Variants in SMYD4 observed in about 807,000 individuals in gnomAD.
SMYD4 encodes the protein protein-lysine N-methyltransferase SMYD4.
Under a neutral mutation model 72.8 loss-of-function variants are expected in SMYD4, and 68 were observed. That is an observed-to-expected ratio of 0.93 (90% CI 0.77 to 1.14). The LOEUF (loss-of-function observed/expected upper bound fraction) is 1.14. Among genes scored for constraint, SMYD4 ranks in the 50% most tolerant of loss-of-function variants. SMYD4 has a pLI of 0.00. For missense variants in SMYD4, 984 were observed against 1,003.7 expected (o/e 0.98, Z 0.27); for synonymous variants, 407 against 388.6 (o/e 1.05, Z -0.56).
At chr17:1,817,335 G>T (rs1378036231) in intron 2 of SMYD4, among the ~76,000 whole-genome samples, 1 of 151,596 alleles carries the variant, frequency 6.6e-6, no homozygotes, top group African/African-American at 2.4e-5. Context: ...ACCGCGCCTG[G>T]CCTAAAACTG....
In SMYD4 at chr17:1,804,720, A is replaced by C; in HGVS notation, c.280-5T>G. 6.2e-7 allele frequency: 1 copy of C among 1,612,718 alleles called. No individual in the cohort carries two copies. On this transcript the variant is annotated splice_region_variant and splice_polypyrimidine_tract_variant and intron_variant, in intron 3 of 10. Transcript: ENST00000305513. ...AGGCCTTGAATGTGACACTCCCTGC[A>C]AAACAATGAACTGGTTAAAAGTATA...
chr17:1,781,934 T>C (rs1352136743), intron 10 of SMYD4: 2 of 154,068 alleles, frequency 1.3e-5, no homozygotes, highest in Non-Finnish European at 2.9e-5. Flanking sequence ...AGCCCTTTTC[T>C]CTCTCTCTGA....
chr17:1,787,987 A>G (rs1177369359), intron 5 of SMYD4, among the ~76,000 whole-genome samples: 1 of 152,214 alleles, frequency 6.6e-6, no homozygotes, highest in Non-Finnish European at 1.5e-5. Context: ...AAAGACTTTT[A>G]GAGCCCAAGG....
intron 3 of SMYD4, among the ~76,000 whole-genome samples, chr17:1,805,337 G>GA (rs1841903595): frequency 6.6e-6 from 1 of 152,182 alleles, no homozygotes; most frequent in Non-Finnish European, 1.5e-5. Flanking sequence ...AGAATGGCTT[G>GA]AACCTGGGAG....
In SMYD4 at chr17:1,788,743, CA is replaced by C. The variant is rs59298222; in HGVS notation, c.1538-1140del. ...GACAACAAGAGTGAGACCCCGCCTCCAAAAAAAAAAAAATTTGTTCATTTCA... is the reference window on the plus strand; with the variant it reads ...GACAACAAGAGTGAGACCCCGCCTCCAAAAAAAAAAAATTTGTTCATTTCA... On this transcript the variant is annotated intron_variant, in intron 5 of 10. Transcript: ENST00000305513. Among the ~76,000 whole-genome samples the C allele has an allele frequency of 3.3e-3, 453 of 139,186 alleles. 1 individual carries two copies. The highest frequency in any genetic ancestry group is 3.6e-3 in the Middle Eastern group (1 of 276). 91.3% of individuals were successfully genotyped at this position (139,186 alleles called of 152,430 possible).
intron 9 of SMYD4, 86 bp from the exon 10 acceptor site, chr17:1,783,244 G>T (rs551592069): frequency 1.2e-5 from 19 of 1,611,812 alleles, no homozygotes; most frequent in South Asian, 4.4e-5. Context: ...TGGAACGAGA[G>T]GGGGAGCACC....
chr17:1,794,077 A>G (rs1244656920), intron 5 of SMYD4, among the ~76,000 whole-genome samples: 22 of 43,666 alleles, frequency 5.0e-4, no homozygotes, highest in African/African-American at 1.8e-3. Flanking sequence ...GTGTATATAT[A>G]TGTGTATATA....
Position 1,800,995 on chromosome 17 carries a change from CTG to C in SMYD4, c.397_398del (p.Gln133AspfsTer16). 1 of 1,612,520 alleles carries C rather than the reference CTG, an allele frequency of 6.2e-7. No homozygotes were observed. The highest frequency in any genetic ancestry group is 8.5e-7 in the Non-Finnish European group (1 of 1,178,646). On this transcript the variant is annotated frameshift_variant, in exon 5 of 11. Coordinates refer to ENST00000305513, the MANE Select transcript of SMYD4 (RefSeq NM_052928.3). LOFTEE classifies it high-confidence loss of function. ...GCAACCTTTCTGGATACCCATGTGT[CTG>C]TGCTCTGTTAATGTCTTTAAGACAC... ...ETCLKDINRAQTHGYPERLQP... is the reference protein window; with the variant it reads ...ETCLKDINRAXTHGYPERLQP...
intron 2 of SMYD4, among the ~76,000 whole-genome samples, chr17:1,817,302 T>C (rs1910657086): frequency 6.6e-6 from 1 of 151,562 alleles, no homozygotes; most frequent in Non-Finnish European, 1.5e-5. Context: ...CCTCCCAAAG[T>C]GCTGGGATTA....
At chr17:1,807,429 C>G (rs2151241493) in intron 3 of SMYD4, among the ~76,000 whole-genome samples, 1 of 149,020 alleles carries the variant, frequency 6.7e-6, no homozygotes, top group East Asian at 2.0e-4. Flanking sequence ...CCCCCCCCGG[C>G]CCCCACACCG....
intron 2 of SMYD4, among the ~76,000 whole-genome samples, chr17:1,817,064 T>A (rs909130737): frequency 1.6e-4 from 21 of 132,024 alleles, no homozygotes; most frequent in Non-Finnish European, 3.0e-4. Flanking sequence ...TTTTTTTTTT[T>A]AAGACAGTCT....
intron 4 of SMYD4, among the ~76,000 whole-genome samples, chr17:1,802,390 A>C (rs746940354): frequency 6.6e-6 from 1 of 152,142 alleles, no homozygotes; most frequent in African/African-American, 2.4e-5. Context: ...GCTACTCATG[A>C]GACTAAAGCA....
chr17:1,802,003 A>C (rs1909791657), intron 4 of SMYD4, among the ~76,000 whole-genome samples: 1 of 151,790 alleles, frequency 6.6e-6, no homozygotes, highest in Non-Finnish European at 1.5e-5. Context: ...CAAAAAACCA[A>C]ATACACTCTG....
chr17:1,784,326 C>T lies in SMYD4; in HGVS notation c.2020G>A (p.Glu674Lys). The T allele has an allele frequency of 6.2e-7, 1 of 1,614,204 alleles. No individual in the cohort carries two copies. The highest frequency in any genetic ancestry group is 1.1e-5 in the South Asian group (1 of 91,092). ...AQKLLRDGEL[E>K]RAVQRLSGCQ... ...GACCAAAGCAGGGAGCCAGTCTCAC[C>T]TAGTTCACCATCTCTGAGAAGCTTC... The change falls in exon 8 of 11, where the codon GAG becomes AAG. Residue 674 changes from glutamate (E) to lysine (K), a missense_variant and splice_region_variant. Glu to Lys is a moderately conservative substitution (Grantham distance 56). Transcript: ENST00000305513.
Position 1,786,966 on chromosome 17 carries a change from G to T in SMYD4, c.1728C>A (p.His576Gln), listed in dbSNP as rs1239035953. The change falls in exon 7 of 11, where the codon CAC becomes CAA. Residue 576 changes from histidine (H) to glutamine (Q), a missense_variant. His to Gln is a conservative substitution (Grantham distance 24). Transcript: ENST00000305513. Reference sequence around the variant, plus strand: ...TTTCGGCAACCCCCATCCGGCTCTTGTGAGGCCCTGGAGGGAGATCACCGT... The same window carrying T: ...TTTCGGCAACCCCCATCCGGCTCTTTTGAGGCCCTGGAGGGAGATCACCGT... Reference protein sequence around the residue: ...GQEILHCYGPHKSRMGVAERQ... With the variant: ...GQEILHCYGPQKSRMGVAERQ... 6.2e-7 allele frequency: 1 copy of T among 1,613,322 alleles called. No homozygotes were observed. Among genetic ancestry groups the T allele is most frequent in the South Asian group, 1.1e-5 (1 of 91,026 alleles).
intron 5 of SMYD4, among the ~76,000 whole-genome samples, chr17:1,799,431 C>T (rs1026210818): frequency 2.7e-5 from 4 of 150,924 alleles, no homozygotes; most frequent in South Asian, 2.1e-4. Flanking sequence ...TGCAGTGGCA[C>T]GATCTCGGCT....
intron 3 of SMYD4, among the ~76,000 whole-genome samples, chr17:1,810,722 C>T (rs1910288907): frequency 6.6e-6 from 1 of 152,252 alleles, no homozygotes; most frequent in Non-Finnish European, 1.5e-5. Flanking sequence ...GCCCCCCAGC[C>T]TGGGCCTATA....
At chr17:1,806,471 G>A (rs1407326081) in intron 3 of SMYD4, among the ~76,000 whole-genome samples, 1 of 152,042 alleles carries the variant, frequency 6.6e-6, no homozygotes, top group African/African-American at 2.4e-5. Context: ...TCACTAAGAT[G>A]ACAACCAGTA....
At chr17:1,793,512 A>G (rs11078644) in intron 5 of SMYD4, among the ~76,000 whole-genome samples, 113,700 of 151,444 alleles carry the variant, frequency 0.75, 43,473 homozygotes, top group Non-Finnish European at 0.81. Flanking sequence ...CTACACTATC[A>G]CTCCAAGACG....
Sources: gnomAD v4.1 joint callset for allele counts (sites outside exome capture counted in the v4.1 genomes callset) on GRCh38, gnomAD v4.1.1 for gene constraint, MANE v1.5 for transcripts, NCBI Gene and HGNC (gene_info 2026-07-23, HGNC 2026-07-21) for gene names.